The following GALNS variants were observed in gnomAD, a reference collection of about 807,000 sequenced individuals.
GALNS encodes N-acetylgalactosamine-6-sulfatase.
A neutral mutation model predicts 65.9 loss-of-function variants in GALNS; 65 were observed. The observed-to-expected ratio is 0.99, with a 90% CI of 0.81 to 1.21. GALNS has a LOEUF of 1.21. Among genes scored for constraint, GALNS ranks in the 50% most tolerant of loss-of-function variants. GALNS has a pLI of 0.00. For missense variants in GALNS, 776 were observed against 700.7 expected (o/e 1.11, Z -1.21); for synonymous variants, 346 against 288.9 (o/e 1.20, Z -2.00).
chr16:88,827,963 C>A (rs116353444), intron 9 of GALNS, among the ~76,000 whole-genome samples: 1 of 152,212 alleles, frequency 6.6e-6, no homozygotes, highest in Non-Finnish European at 1.5e-5. Flanking sequence ...CTAGGGCAGA[C>A]GGCGATCGCC....
chr16:88,856,420 G>C, intron 1 of GALNS: 1 of 701,142 alleles, frequency 1.4e-6, no homozygotes. Flanking sequence ...AGACGGGGGA[G>C]GCAGGGCCCG....
At chr16:88,825,068 C>A (rs539036648) in intron 10 of GALNS, among the ~76,000 whole-genome samples, 199 bp from the exon 11 acceptor site, 1 of 138,848 alleles carries the variant, frequency 7.2e-6, no homozygotes, top group Non-Finnish European at 1.6e-5. Flanking sequence ...GGCTGGAGCT[C>A]CTGGGTGGCC....
At position 88,814,193 on chromosome 16, in the gene GALNS, G is replaced by A. The variant is rs1198296228; in HGVS notation, c.*246C>T. ...AAGGCGTGAGACGGCAGGGTCCTGA[G>A]GTCTGAGGCGCCGTGGGCGAGGAGG... On this transcript the variant is annotated 3_prime_UTR_variant, in exon 14 of 14. Transcript: ENST00000268695. 5.1e-6 allele frequency: 3 copies of A among 592,226 alleles called. No homozygotes were observed. The highest frequency in any genetic ancestry group is 3.9e-5 in the South Asian group (2 of 51,530). The allele number at this position is 592,226 out of a possible 1,614,324, so 36.7% of individuals were successfully genotyped here.
intron 1 of GALNS, chr16:88,855,194 A>C: frequency 1.5e-6 from 1 of 685,058 alleles, no homozygotes; most frequent in South Asian, 1.5e-5. Context: ...AGTCTTCAAC[A>C]TAAAAAATTA....
chr16:88,815,103 C>T, intron 13 of GALNS: 1 of 985,444 alleles, frequency 1.0e-6, no homozygotes, highest in Non-Finnish European at 1.2e-6. Context: ...AGTGTGGGGA[C>T]CACCTCGGTC....
At chr16:88,815,101 G>C in intron 13 of GALNS, 1 of 985,472 alleles carries the variant, frequency 1.0e-6, no homozygotes, top group Non-Finnish European at 1.2e-6. Context: ...TCAGTGTGGG[G>C]ACCACCTCGG....
At chr16:88,830,145 C>T (rs1017930364) in intron 9 of GALNS, among the ~76,000 whole-genome samples, 2 of 148,542 alleles carry the variant, frequency 1.3e-5, no homozygotes, top group Admixed American at 6.8e-5. Flanking sequence ...GCAGGAGAAT[C>T]GCTTGAATCT....
chr16:88,818,890 T>C (rs963901082), intron 12 of GALNS, among the ~76,000 whole-genome samples: 1 of 152,208 alleles, frequency 6.6e-6, no homozygotes, highest in Non-Finnish European at 1.5e-5. Flanking sequence ...ATGCCCAGGC[T>C]GGGAGCTGCG....
chr16:88,843,797 C>T (rs969897512), intron 1 of GALNS: 1 of 155,848 alleles, frequency 6.4e-6, no homozygotes, highest in Admixed American at 6.2e-5. Flanking sequence ...TCAGGAAACT[C>T]ACGCACGTAC....
Position 88,824,750 on chromosome 16 carries a change from C to T in GALNS, c.1242+17G>A, listed in dbSNP as rs1159726808. Reference sequence around the variant, plus strand: ...ATGGGGGCAGCTCCGCCTGCGCCCACGTCCCGAGCCCTGTACCTGTCTGAA... The same window carrying T: ...ATGGGGGCAGCTCCGCCTGCGCCCATGTCCCGAGCCCTGTACCTGTCTGAA... On this transcript the variant is annotated intron_variant, in intron 11 of 13. Transcript: ENST00000268695. 1.1e-5 allele frequency: 18 copies of T among 1,607,982 alleles called. No homozygotes were observed. The highest frequency in any genetic ancestry group is 1.7e-5 in the Admixed American group (1 of 60,000).
intron 4 of GALNS, among the ~76,000 whole-genome samples, chr16:88,839,128 C>G (rs1912447778): frequency 6.6e-6 from 1 of 151,316 alleles, no homozygotes; most frequent in Non-Finnish European, 1.5e-5. Flanking sequence ...CAGGTCACCG[C>G]CCAACCACAG....
At chr16:88,842,117 C>T (rs558463313) in intron 2 of GALNS, 146 bp from the exon 3 acceptor site, 15 of 752,446 alleles carry the variant, frequency 2.0e-5, no homozygotes, top group Middle Eastern at 2.3e-4. Context: ...TGTCAATCCC[C>T]GTTAGCGTCT....
At chr16:88,823,998 C>T (rs1910535216) in intron 11 of GALNS, among the ~76,000 whole-genome samples, 1 of 152,218 alleles carries the variant, frequency 6.6e-6, no homozygotes, top group African/African-American at 2.4e-5. Context: ...CCAGACACTG[C>T]CCCACGAGCA....
At chr16:88,823,567 C>T (rs1238229029) in intron 11 of GALNS, among the ~76,000 whole-genome samples, 2 of 16,214 alleles carry the variant, frequency 1.2e-4, no homozygotes, top group Non-Finnish European at 2.4e-4. Flanking sequence ...CCCTCGCAGG[C>T]GGCAATGCCG....
intron 9 of GALNS, chr16:88,827,101 G>A: frequency 1.7e-6 from 1 of 578,228 alleles, no homozygotes; most frequent in East Asian, 2.9e-5. Context: ...TCAGATGAAA[G>A]GAGAATCACA....
rs764216131 is a variant in GALNS, at chr16:88,822,713, G to A, written c.1243-3C>T. 4.3e-6 allele frequency: 7 copies of A among 1,612,070 alleles called. No homozygotes were observed. In the South Asian group the frequency reaches 7.7e-5, roughly 18 times the overall value. ...TGCCCAGGGCAGAAATCAATGCCCT[G>A]CAATGAGAAGAGGGAAGGTGTGTCC... On this transcript the variant is annotated splice_polypyrimidine_tract_variant and splice_region_variant and intron_variant, in intron 11 of 13. Transcript: ENST00000268695.
rs1451464427 is a variant in GALNS, at chr16:88,831,998, C to T, written c.1002G>A (p.Gln334=). The T allele has an allele frequency of 1.2e-6, 2 of 1,612,874 alleles. No individual in the cohort carries two copies. The highest frequency in any genetic ancestry group is 1.7e-6 in the Non-Finnish European group (2 of 1,179,504). The change falls in exon 9 of 14, where the codon CAG becomes CAA. Residue 334 remains glutamine, a splice_region_variant and synonymous_variant. Coordinates refer to ENST00000268695, the MANE Select transcript of GALNS (RefSeq NM_000512.5). Reference sequence around the variant, plus strand: ...GGCAGACCGGTGGACGCTGACTCACCTGGCCTGCAGTGACGTGCCCTGGCC... The same window carrying T: ...GGCAGACCGGTGGACGCTGACTCACTTGGCCTGCAGTGACGTGCCCTGGCC... The part of the protein sequence containing the change: ...AWWPGHVTAG[Q]VSHQLGSIMD...
rs113649244 is a variant in GALNS, at chr16:88,849,576, G to A, written c.121-6747C>T. Among the ~76,000 whole-genome samples, 556 of 152,106 alleles carry A rather than the reference G, an allele frequency of 3.7e-3. 2 individuals carry two copies. Among genetic ancestry groups the A allele is most frequent in the African/African-American group, 0.012 (514 of 41,488 alleles). ...GCTGGGATTACAGGTGTGAACCACCGTGTCAGGCCAACTTTTTTGTATTTT... is the reference window on the plus strand; with the variant it reads ...GCTGGGATTACAGGTGTGAACCACCATGTCAGGCCAACTTTTTTGTATTTT... On this transcript the variant is annotated intron_variant, in intron 1 of 13. Coordinates refer to ENST00000268695, the MANE Select transcript of GALNS (RefSeq NM_000512.5).
intron 2 of GALNS, chr16:88,842,464 A>C: frequency 1.7e-6 from 1 of 589,162 alleles, no homozygotes. Flanking sequence ...TGGGAAACAG[A>C]ACAGCAGCCA....
Sources: gnomAD v4.1 joint callset for allele counts (sites outside exome capture counted in the v4.1 genomes callset) on GRCh38, gnomAD v4.1.1 for gene constraint, MANE v1.5 for transcripts, NCBI Gene and HGNC (gene_info 2026-07-23, HGNC 2026-07-21) for gene names.